The following DLG2 variants were observed in gnomAD, a reference collection of about 807,000 sequenced individuals.
DLG2 encodes disks large homolog 2.
Under a neutral mutation model 132.5 loss-of-function variants are expected in DLG2, and 45 were observed. The ratio of observed to expected loss-of-function variants is 0.34; its 90% CI spans 0.27 to 0.44. The LOEUF is 0.44. DLG2 is among the 20% of genes least tolerant of loss of function. DLG2 has a pLI of 1.00. For missense variants in DLG2, 1,045 were observed against 1,196.9 expected, an observed-to-expected ratio of 0.87 and a Z score of 1.87; for synonymous variants, 424 against 419.6, an observed-to-expected ratio of 1.01 and a Z score of -0.13.
chr11:84,211,875 T>A (rs1284317863), intron 8 of DLG2, among the ~76,000 whole-genome samples: 1 of 152,116 alleles, frequency 6.6e-6, no homozygotes, highest in Non-Finnish European at 1.5e-5. Flanking sequence ...AAAATTAGAG[T>A]AGATGGCTCC....
chr11:84,908,889 A>G (rs369626537), intron 6 of DLG2, among the ~76,000 whole-genome samples: 42 of 151,772 alleles, frequency 2.8e-4, no homozygotes, highest in African/African-American at 9.9e-4. Context: ...TATGATCGAC[A>G]TTAGTATCCC....
At chr11:84,135,321 T>C (rs1298194486) in intron 9 of DLG2, among the ~76,000 whole-genome samples, 1 of 152,140 alleles carries the variant, frequency 6.6e-6, no homozygotes, top group Non-Finnish European at 1.5e-5. Context: ...GCAGGGAAGA[T>C]AACTAGGATG....
chr11:83,553,505 T>C (rs1196861094), intron 19 of DLG2, among the ~76,000 whole-genome samples: 50 of 149,344 alleles, frequency 3.3e-4, no homozygotes, highest in South Asian at 4.2e-4. Flanking sequence ...TGTGTGTGTG[T>C]GTGTGTGTGT....
At chr11:85,422,670 T>A (rs1344755191) in intron 3 of DLG2, among the ~76,000 whole-genome samples, 5 of 152,148 alleles carry the variant, frequency 3.3e-5, no homozygotes, top group African/African-American at 1.2e-4. Flanking sequence ...TTTGTATTTT[T>A]AGTAGAGATG....
At chr11:83,644,367 A>C (rs1384304006) in intron 18 of DLG2, among the ~76,000 whole-genome samples, 1 of 152,102 alleles carries the variant, frequency 6.6e-6, no homozygotes, top group Non-Finnish European at 1.5e-5. Flanking sequence ...CCTCCCACTA[A>C]AATAATTTTC....
At position 84,618,186 on chromosome 11, in the gene DLG2, A is replaced by T. The variant is rs183343801; in HGVS notation, c.358-83455T>A. Among the ~76,000 whole-genome samples the T allele has an allele frequency of 3.9e-5, 6 of 152,158 alleles. No homozygotes were observed. In the East Asian group the frequency reaches 1.2e-3, roughly 29 times the overall value. On this transcript the variant is annotated intron_variant, in intron 6 of 27. Coordinates refer to ENST00000376104, the MANE Select transcript of DLG2 (RefSeq NM_001142699.3). The stretch of plus-strand genomic sequence containing the variant: ...CATATAGGTTCATATGAGTAAGTAG[A>T]AGGAAAGGAGCTTGGAGAAGTCCAA...
chr11:84,384,739 G>A (rs1449750051), intron 7 of DLG2, among the ~76,000 whole-genome samples: 2 of 151,812 alleles, frequency 1.3e-5, no homozygotes, highest in Admixed American at 1.3e-4. Flanking sequence ...TAAAGTATCT[G>A]CCCAAAAAAC....
In DLG2 at chr11:84,120,514, C is replaced by T. The variant is rs117296778; in HGVS notation, c.625-21467G>A. Among the ~76,000 whole-genome samples the T allele has an allele frequency of 9.9e-3, 1,508 of 152,210 alleles. 11 individuals carry two copies. The highest frequency in any genetic ancestry group is 0.015 in the Non-Finnish European group (990 of 67,986). ...CAGTATCACTGCATCAAAAATAAAG[C>T]GGGGAAAAAGCCCAGATAAATTAAA... On this transcript the variant is annotated intron_variant, in intron 9 of 27. Coordinates refer to ENST00000376104, the MANE Select transcript of DLG2 (RefSeq NM_001142699.3).
intron 6 of DLG2, among the ~76,000 whole-genome samples, chr11:84,822,605 A>G (rs1286015023): frequency 6.6e-6 from 1 of 151,922 alleles, no homozygotes; most frequent in African/African-American, 2.4e-5. Flanking sequence ...CTTAAATGGC[A>G]GGGTCACAGG....
intron 3 of DLG2, among the ~76,000 whole-genome samples, chr11:85,306,762 C>T (rs1330952648): frequency 2.6e-5 from 4 of 152,116 alleles, no homozygotes; most frequent in East Asian, 1.9e-4. Flanking sequence ...TTAGTAGAGA[C>T]GGGGTTTGAC....
chr11:84,466,476 C>T (rs932551821), intron 7 of DLG2, among the ~76,000 whole-genome samples: 9 of 151,180 alleles, frequency 6.0e-5, no homozygotes, highest in African/African-American at 2.2e-4. Flanking sequence ...GAACAATGAG[C>T]AGAAGACACA....
At chr11:85,008,497 T>C (rs2058888788) in intron 6 of DLG2, among the ~76,000 whole-genome samples, 1 of 152,134 alleles carries the variant, frequency 6.6e-6, no homozygotes, top group African/African-American at 2.4e-5. Flanking sequence ...AAAAAGAATA[T>C]AAATGTGTTT....
intron 19 of DLG2, among the ~76,000 whole-genome samples, chr11:83,602,091 G>C (rs1233497682): frequency 6.6e-6 from 1 of 152,096 alleles, no homozygotes; most frequent in Non-Finnish European, 1.5e-5. Flanking sequence ...AATAAATCAT[G>C]GACAGAGGAA....
chr11:84,867,890 C>T (rs1271755164), intron 6 of DLG2, among the ~76,000 whole-genome samples: 1 of 151,908 alleles, frequency 6.6e-6, no homozygotes, highest in Non-Finnish European at 1.5e-5. Flanking sequence ...CTGGCCAACA[C>T]GGTGAAACCC....
rs1178776417 is a variant in DLG2 at position 83,541,765 on chromosome 11, G to A, written c.2034C>T (p.Ala678=). 6 of 1,613,256 alleles carry A rather than the reference G, an allele frequency of 3.7e-6. No individual in the cohort carries two copies. Among genetic ancestry groups the A allele is most frequent in the South Asian group, 1.1e-5 (1 of 91,000 alleles). ...TGGCTTGCCACCACTCATCATCAGA[G>A]GCATTGATAACGTGGAGAATATCTC... ...KYGDILHVIN[A]SDDEWWQARR... The change falls in exon 20 of 28, where the codon GCC becomes GCT. Residue 678 remains alanine, a synonymous_variant. Transcript: ENST00000376104.
At chr11:84,642,147 A>T (rs1413535324) in intron 6 of DLG2, among the ~76,000 whole-genome samples, 1 of 129,504 alleles carries the variant, frequency 7.7e-6, no homozygotes, top group African/African-American at 3.0e-5. Flanking sequence ...TGTGTGTATT[A>T]AAAAAAGACA....
chr11:85,024,531 C>T (rs1478430682), intron 6 of DLG2, among the ~76,000 whole-genome samples: 1 of 152,204 alleles, frequency 6.6e-6, no homozygotes. Flanking sequence ...CTCTGCAGCA[C>T]ATTCCTGAAG....
At chr11:84,943,819 C>G (rs2049814968) in intron 6 of DLG2, among the ~76,000 whole-genome samples, 1 of 152,034 alleles carries the variant, frequency 6.6e-6, no homozygotes, top group South Asian at 2.1e-4. Context: ...TGTCTGTGTG[C>G]TTACTATTAC....
At chr11:85,077,755 G>T (rs769680047) in intron 6 of DLG2, among the ~76,000 whole-genome samples, 34 of 152,016 alleles carry the variant, frequency 2.2e-4, no homozygotes, top group Non-Finnish European at 2.9e-4. Flanking sequence ...GAAGAAAAAA[G>T]AAAAGTCAAG....
Sources: allele counts gnomAD v4.1 joint callset (sites outside exome capture counted in the v4.1 genomes callset), GRCh38; gene constraint gnomAD v4.1.1; transcripts MANE v1.5; gene names NCBI Gene and HGNC (gene_info 2026-07-23, HGNC 2026-07-21).